CERKL: variants seen among roughly 807,000 people sequenced by gnomAD.
The protein encoded by CERKL is CERK like autophagy regulator.
Under a neutral mutation model 63.4 loss-of-function variants are expected in CERKL, and 61 were observed. The ratio of observed to expected loss-of-function variants is 0.96; its 90% CI spans 0.78 to 1.19. The LOEUF is 1.19. Ranked by LOEUF, CERKL falls within the 50% of genes most tolerant of loss-of-function variation. CERKL has a pLI of 0.00. For missense variants in CERKL, 675 were observed against 655.5 expected, an observed-to-expected ratio of 1.03 and a Z score of -0.33; for synonymous variants, 250 against 230.5, an observed-to-expected ratio of 1.08 and a Z score of -0.77.
intron 11 of CERKL, among the ~76,000 whole-genome samples, chr2:181,542,630 CAAA>C (rs34005238): frequency 7.3e-6 from 1 of 137,068 alleles, no homozygotes. Flanking sequence ...GAATTCTTTG[CAAA>C]AAAAAAAAAA....
intron 1 of CERKL, among the ~76,000 whole-genome samples, chr2:181,622,117 T>G (rs1409096529): frequency 3.3e-5 from 5 of 152,210 alleles, no homozygotes; most frequent in African/African-American, 9.7e-5. Context: ...AATCAAGTCT[T>G]AACTATTTTT....
intron 5 of CERKL, among the ~76,000 whole-genome samples, chr2:181,556,010 C>T (rs1443146892): frequency 1.3e-5 from 2 of 152,082 alleles, no homozygotes; most frequent in East Asian, 3.9e-4. Flanking sequence ...CCTCGGCCTC[C>T]CAAAGTGCTG....
rs115251148 is a variant in CERKL, at chr2:181,560,873, T to C, written c.678-2165A>G. On this transcript the variant is annotated intron_variant, in intron 4 of 12. Transcript: ENST00000410087. ...GTGAGTTAGAAAAAATATGTATTTA[T>C]TTATGTTAACAACTATTCAATCATT... Among the ~76,000 whole-genome samples the C allele has an allele frequency of 3.0e-3, 459 of 152,286 alleles. 2 individuals carry two copies. Among genetic ancestry groups the C allele is most frequent in the African/African-American group, 0.011 (452 of 41,578 alleles).
At chr2:181,626,673 G>A (rs1686718732) in intron 1 of CERKL, among the ~76,000 whole-genome samples, 1 of 152,184 alleles carries the variant, frequency 6.6e-6, no homozygotes, top group African/African-American at 2.4e-5. Flanking sequence ...GATACATTTT[G>A]GTATGATCAT....
Position 181,603,897 on chromosome 2 carries a change from T to A in CERKL, c.421A>T (p.Ile141Phe). The A allele has an allele frequency of 1.2e-6, 2 of 1,613,140 alleles. No individual in the cohort carries two copies. Among genetic ancestry groups the A allele is most frequent in the South Asian group, 2.2e-5 (2 of 91,056 alleles). The change falls in exon 2 of 13, where the codon ATT becomes TTT. Residue 141 changes from isoleucine (I) to phenylalanine (F), a missense_variant. Transcript: ENST00000410087. ...NKLKNSTLDL[I>F]NLSEDHCDIW... ...TCACAGTGGTCTTCACTTAAATTAA[T>A]AAGATCAAGTGTAGAATTCTTTAGT...
At chr2:181,586,169 T>C (rs1474963999) in intron 2 of CERKL, among the ~76,000 whole-genome samples, 1 of 152,032 alleles carries the variant, frequency 6.6e-6, no homozygotes, top group East Asian at 1.9e-4. Flanking sequence ...AGAAAATTGA[T>C]AAAAAGGGAA....
At chr2:181,596,651 A>G (rs936689143) in intron 2 of CERKL, among the ~76,000 whole-genome samples, 4 of 152,246 alleles carry the variant, frequency 2.6e-5, no homozygotes, top group African/African-American at 7.2e-5. Flanking sequence ...ATAAGAATAT[A>G]GCATGTTCTG....
chr2:181,564,327 T>G (rs1688573639), intron 4 of CERKL, among the ~76,000 whole-genome samples: 1 of 152,168 alleles, frequency 6.6e-6, no homozygotes, highest in South Asian at 2.1e-4. Flanking sequence ...AGTAGAAATT[T>G]GAAATTATTG....
At chr2:181,656,162 G>A (rs755073899) in intron 1 of CERKL, among the ~76,000 whole-genome samples, 23 of 152,160 alleles carry the variant, frequency 1.5e-4, no homozygotes, top group Admixed American at 3.3e-4. Flanking sequence ...ATAATCTAGG[G>A]TCAATATTAA....
At chr2:181,613,198 C>T (rs187951610) in intron 1 of CERKL, among the ~76,000 whole-genome samples, 1 of 152,312 alleles carries the variant, frequency 6.6e-6, no homozygotes, top group African/African-American at 2.4e-5. Context: ...CGCAATTGTA[C>T]TCTCTGCTTC....
intron 11 of CERKL, among the ~76,000 whole-genome samples, chr2:181,540,364 C>T (rs1687445257): frequency 6.6e-6 from 1 of 152,162 alleles, no homozygotes; most frequent in Admixed American, 6.5e-5. Context: ...CACACAACTG[C>T]CTGTTATGAT....
At position 181,571,605 on chromosome 2, in the gene CERKL, T is replaced by C. The variant is rs377629093; in HGVS notation, c.613+2148A>G. On this transcript the variant is annotated intron_variant, in intron 3 of 12. Transcript: ENST00000410087. ...AAAATTTACACCAACTGTGGATCAA[T>C]ACACGATGAGTAAACTGCTGAGTGC... is the stretch of plus-strand genomic sequence containing the variant. Among the ~76,000 whole-genome samples, 4 of 152,120 alleles carry C rather than the reference T, an allele frequency of 2.6e-5. No individual in the cohort carries two copies. The East Asian group carries it at 7.7e-4, about 29-fold the overall frequency.
rs767284424 is a variant in CERKL, at chr2:181,632,009, AAT to A, written c.238+24758_238+24759del. Among the ~76,000 whole-genome samples, 36 of 152,340 alleles carry A rather than the reference AAT, an allele frequency of 2.4e-4. 1 individual carries two copies. In the East Asian group the frequency reaches 6.5e-3, roughly 28 times the overall value. On this transcript the variant is annotated intron_variant, in intron 1 of 12. Coordinates refer to ENST00000410087, the MANE Select transcript of CERKL (RefSeq NM_201548.5). ...GGACAAATTTAAATAAAACTATGTAAATAGTGAGTTTATTTATATTTCTGAAT... is the reference window on the plus strand; with the variant it reads ...GGACAAATTTAAATAAAACTATGTAAAGTGAGTTTATTTATATTTCTGAAT...
intron 1 of CERKL, among the ~76,000 whole-genome samples, chr2:181,619,328 T>C (rs573836022): frequency 8.6e-5 from 12 of 139,712 alleles, no homozygotes; most frequent in South Asian, 2.1e-4. Flanking sequence ...AACCTAGTCT[T>C]TTTTTTTTTG....
intron 2 of CERKL, among the ~76,000 whole-genome samples, chr2:181,587,444 A>T (rs1684815022): frequency 6.6e-6 from 1 of 152,190 alleles, no homozygotes; most frequent in African/African-American, 2.4e-5. Context: ...AAATTCAGCC[A>T]AATGTGTCAT....
chr2:181,621,713 A>C (rs1213285042), intron 1 of CERKL, among the ~76,000 whole-genome samples: 1 of 152,190 alleles, frequency 6.6e-6, no homozygotes, highest in Non-Finnish European at 1.5e-5. Context: ...GAGAAAACAT[A>C]AACATTCTAG....
chr2:181,589,546 C>T (rs1355203808), intron 2 of CERKL, among the ~76,000 whole-genome samples: 1 of 152,110 alleles, frequency 6.6e-6, no homozygotes, highest in Non-Finnish European at 1.5e-5. Flanking sequence ...GTCTTTAATT[C>T]ATTTTGTTCC....
intron 10 of CERKL, among the ~76,000 whole-genome samples, chr2:181,546,400 AACT>A (rs1687728195): frequency 1.3e-5 from 2 of 152,168 alleles, no homozygotes; most frequent in South Asian, 4.1e-4. Flanking sequence ...TAGTCAGGGA[AACT>A]ACATTATGAA....
At position 181,543,782 on chromosome 2, in the gene CERKL, G is replaced by A. The variant is rs762760658; in HGVS notation, c.1365+918C>T. Among the ~76,000 whole-genome samples, 4 of 151,872 alleles carry A rather than the reference G, an allele frequency of 2.6e-5. No homozygotes were observed. The East Asian group carries it at 5.8e-4, about 22-fold the overall frequency. ...GACACATCACGAGGTCAGGAGTTTC[G>A]AGACCAGCCTGACCAACATGGTGAA... is the stretch of plus-strand genomic sequence containing the variant. On this transcript the variant is annotated intron_variant, in intron 11 of 12. Transcript: ENST00000410087.
Sources: gnomAD v4.1 joint callset for allele counts (sites outside exome capture counted in the v4.1 genomes callset) on GRCh38, gnomAD v4.1.1 for gene constraint, MANE v1.5 for transcripts, NCBI Gene and HGNC (gene_info 2026-07-23, HGNC 2026-07-21) for gene names.